Variants in RBFOX1 observed in about 807,000 individuals in gnomAD.
RBFOX1 encodes RNA binding protein fox-1 homolog 1.
A neutral mutation model predicts 57.7 loss-of-function variants in RBFOX1; 8 were observed. The ratio of observed to expected loss-of-function variants is 0.14; its 90% CI spans 0.08 to 0.25. The LOEUF (loss-of-function observed/expected upper bound fraction) is 0.25. RBFOX1 is among the 10% of genes least tolerant of loss of function. The pLI is 1.00. For synonymous variants in RBFOX1, 326 were observed against 222.4 expected (o/e 1.47, Z -4.15); for missense variants, 611 against 548.5 (o/e 1.11, Z -1.14).
At chr16:6,951,151 C>G (rs192451551) in intron 3 of RBFOX1, among the ~76,000 whole-genome samples, 1 of 152,282 alleles carries the variant, frequency 6.6e-6, no homozygotes, top group Non-Finnish European at 1.5e-5. Flanking sequence ...AACAAATCCT[C>G]CAGCATCAGC....
chr16:6,394,412 A>G (rs2092732409), intron 2 of RBFOX1, among the ~76,000 whole-genome samples: 1 of 152,188 alleles, frequency 6.6e-6, no homozygotes, highest in Admixed American at 6.5e-5. Flanking sequence ...ACTGAATTAC[A>G]GGCACTTGGC....
chr16:6,075,709 T>G (rs1393738110), intron 1 of RBFOX1, among the ~76,000 whole-genome samples: 2 of 152,216 alleles, frequency 1.3e-5, no homozygotes, highest in African/African-American at 4.8e-5. Flanking sequence ...TCAAATGTAG[T>G]TCCTCCCTCC....
At chr16:5,635,774 G>A (rs2048664095) in intron 3 of RBFOX1, among the ~76,000 whole-genome samples, 1 of 151,646 alleles carries the variant, frequency 6.6e-6, no homozygotes, top group South Asian at 2.1e-4. Flanking sequence ...AGCCAGAGCA[G>A]GACTCAGATC....
At chr16:6,675,290 A>G (rs1315290806) in intron 3 of RBFOX1, among the ~76,000 whole-genome samples, 2 of 152,104 alleles carry the variant, frequency 1.3e-5, no homozygotes, top group Non-Finnish European at 2.9e-5. Flanking sequence ...CTGAAAATCG[A>G]GGGATATCTG....
At chr16:6,064,694 C>G (rs1259504778) in intron 1 of RBFOX1, among the ~76,000 whole-genome samples, 1 of 152,088 alleles carries the variant, frequency 6.6e-6, no homozygotes, top group East Asian at 1.9e-4. Flanking sequence ...GTGCATGCCA[C>G]CACACCCAGC....
chr16:6,107,411 T>G (rs910514559), intron 1 of RBFOX1, among the ~76,000 whole-genome samples: 1 of 152,104 alleles, frequency 6.6e-6, no homozygotes, highest in African/African-American at 2.4e-5. Context: ...TATCTTTGTG[T>G]TTTTGTTTAG....
chr16:5,763,922 C>A (rs2053679157), intron 3 of RBFOX1, among the ~76,000 whole-genome samples: 1 of 152,180 alleles, frequency 6.6e-6, no homozygotes, highest in Non-Finnish European at 1.5e-5. Context: ...CCCGCCCTGG[C>A]ATTATATTAT....
chr16:7,637,259 C>A (rs949234099), intron 11 of RBFOX1, among the ~76,000 whole-genome samples: 1 of 134,334 alleles, frequency 7.4e-6, no homozygotes, highest in African/African-American at 3.0e-5. Flanking sequence ...CACCCTGATA[C>A]CCTTCCCTCC....
intron 4 of RBFOX1, among the ~76,000 whole-genome samples, chr16:7,236,212 C>T (rs1214985349): frequency 1.3e-5 from 2 of 152,058 alleles, no homozygotes; most frequent in African/African-American, 4.8e-5. Context: ...AGTAAATATT[C>T]AAGAGTTATA....
intron 3 of RBFOX1, among the ~76,000 whole-genome samples, chr16:6,823,250 C>CT (rs1231519052): frequency 1.7e-3 from 243 of 143,998 alleles, no homozygotes; most frequent in Middle Eastern, 3.6e-3. Context: ...GTTTTGTTTT[C>CT]TTTTTTTTTT....
chr16:6,815,026 G>C (rs956523056), intron 3 of RBFOX1, among the ~76,000 whole-genome samples: 1 of 152,186 alleles, frequency 6.6e-6, no homozygotes, highest in Non-Finnish European at 1.5e-5. Flanking sequence ...TTGATTATAT[G>C]CTAAACAAGG....
chr16:5,584,843 T>C (rs2151166546), intron 2 of RBFOX1, among the ~76,000 whole-genome samples: 1 of 152,326 alleles, frequency 6.6e-6, no homozygotes, highest in South Asian at 2.1e-4. Context: ...TTAATGGCTT[T>C]TGAGATGCAT....
chr16:7,182,314 C>A (rs979732798), intron 4 of RBFOX1, among the ~76,000 whole-genome samples: 3 of 151,886 alleles, frequency 2.0e-5, no homozygotes, highest in Admixed American at 2.0e-4. Flanking sequence ...CACCTGCCCC[C>A]CTGCAAAAAA....
At chr16:7,086,924 G>A (rs2060082394) in intron 4 of RBFOX1, among the ~76,000 whole-genome samples, 2 of 152,104 alleles carry the variant, frequency 1.3e-5, no homozygotes, top group African/African-American at 2.4e-5. Context: ...CCATCCCCCG[G>A]CCCTCCTTCC....
intron 2 of RBFOX1, among the ~76,000 whole-genome samples, chr16:6,509,810 A>T (rs551064522): frequency 6.6e-6 from 1 of 152,224 alleles, no homozygotes; most frequent in Admixed American, 6.5e-5. Context: ...ATAAATATAT[A>T]CACTTACCAT....
At chr16:7,456,267 A>AC (rs879358415) in intron 4 of RBFOX1, among the ~76,000 whole-genome samples, 8 of 151,850 alleles carry the variant, frequency 5.3e-5, no homozygotes, top group African/African-American at 1.5e-4. Flanking sequence ...TCCTAGAGGG[A>AC]CCCCCCCTTA....
chr16:7,276,567 T>A (rs1020747449), intron 4 of RBFOX1, among the ~76,000 whole-genome samples: 1 of 152,098 alleles, frequency 6.6e-6, no homozygotes, highest in Non-Finnish European at 1.5e-5. Context: ...TTTTTTTAAA[T>A]TTTTCTGCCT....
chr16:6,251,144 A>G (rs1256122147), intron 1 of RBFOX1, among the ~76,000 whole-genome samples: 1 of 152,188 alleles, frequency 6.6e-6, no homozygotes, highest in East Asian at 1.9e-4. Context: ...ACTCCTCACA[A>G]CAACCCTACA....
intron 5 of RBFOX1, among the ~76,000 whole-genome samples, chr16:7,519,283 C>T (rs185260232): frequency 4.1e-4 from 62 of 152,166 alleles, no homozygotes; most frequent in African/African-American, 1.1e-3. Flanking sequence ...ATCCAGGTTG[C>T]GGTGTTTGTC....
Sources: gnomAD v4.1 joint callset for allele counts (sites outside exome capture counted in the v4.1 genomes callset) on GRCh38, gnomAD v4.1.1 for gene constraint, MANE v1.5 for transcripts, NCBI Gene and HGNC (gene_info 2026-07-23, HGNC 2026-07-21) for gene names.